Variants in KCNE1 observed in about 807,000 individuals in gnomAD.
KCNE1 encodes the protein potassium voltage-gated channel subfamily E regulatory subunit 1, also known as potassium voltage-gated channel subfamily E member 1.
A neutral mutation model predicts 2.9 loss-of-function variants in KCNE1; 1 was observed. That is an observed-to-expected ratio of 0.34 (90% confidence interval 0.12 to 1.62). KCNE1 has a LOEUF of 1.62. KCNE1 is among the 40% of genes most tolerant of loss of function. The pLI is 0.36. For missense variants in KCNE1, 45 were observed against 150.5 expected (o/e 0.30, Z 3.67); for synonymous variants, 23 against 65.4 (o/e 0.35, Z 3.13).
intron 2 of KCNE1, among the ~76,000 whole-genome samples, chr21:34,495,990 T>C (rs1375201611): frequency 6.6e-6 from 1 of 152,220 alleles, no homozygotes; most frequent in East Asian, 1.9e-4. Flanking sequence ...ATTTGTGCTC[T>C]TTCAGACATT....
At chr21:34,498,871 G>A (rs1482642301) in intron 2 of KCNE1, among the ~76,000 whole-genome samples, 1 of 152,230 alleles carries the variant, frequency 6.6e-6, no homozygotes, top group Non-Finnish European at 1.5e-5. Context: ...ACCAGCTGCA[G>A]TAGTAGTAGA....
intron 2 of KCNE1, among the ~76,000 whole-genome samples, chr21:34,503,806 A>G (rs1983313682): frequency 6.6e-6 from 1 of 152,200 alleles, no homozygotes; most frequent in South Asian, 2.1e-4. Flanking sequence ...TTTACTCTAA[A>G]CAAAGTAGAT....
intron 2 of KCNE1, among the ~76,000 whole-genome samples, chr21:34,507,837 A>G (rs758795622): frequency 6.6e-6 from 1 of 152,334 alleles, no homozygotes; most frequent in East Asian, 1.9e-4. Context: ...AGCAAGTAGC[A>G]TGCATAACGA....
At chr21:34,507,924 T>C (rs1983598336) in intron 2 of KCNE1, among the ~76,000 whole-genome samples, 1 of 152,254 alleles carries the variant, frequency 6.6e-6, no homozygotes, top group East Asian at 1.9e-4. Context: ...AGTTCTAGGT[T>C]AGCTGCTTTG....
chr21:34,503,013 C>T (rs965764799), intron 2 of KCNE1, among the ~76,000 whole-genome samples: 9 of 152,202 alleles, frequency 5.9e-5, no homozygotes, highest in Non-Finnish European at 8.8e-5. Flanking sequence ...TTCTGCAGCA[C>T]ACACCAATGA....
At chr21:34,506,106 T>C (rs1321137909) in intron 2 of KCNE1, among the ~76,000 whole-genome samples, 1 of 152,264 alleles carries the variant, frequency 6.6e-6, no homozygotes, top group African/African-American at 2.4e-5. Flanking sequence ...AGAGAATTCC[T>C]TGGGAATGAA....
intron 2 of KCNE1, among the ~76,000 whole-genome samples, chr21:34,497,019 G>A (rs1982852525): frequency 6.6e-6 from 1 of 152,232 alleles, no homozygotes; most frequent in African/African-American, 2.4e-5. Context: ...TGGAGTATCT[G>A]TTTCCATTCC....
At chr21:34,503,010 G>A (rs2123517418) in intron 2 of KCNE1, among the ~76,000 whole-genome samples, 1 of 152,304 alleles carries the variant, frequency 6.6e-6, no homozygotes, top group Middle Eastern at 3.4e-3. Flanking sequence ...CAATTCTGCA[G>A]CACACACCAA....
chr21:34,502,150 T>C (rs1323304114), intron 2 of KCNE1, among the ~76,000 whole-genome samples: 3 of 152,160 alleles, frequency 2.0e-5, no homozygotes, highest in Non-Finnish European at 2.9e-5. Context: ...TTTCCATCTG[T>C]CAACAATCAA....
intron 2 of KCNE1, among the ~76,000 whole-genome samples, chr21:34,507,901 A>C (rs1225009871): frequency 4.6e-5 from 7 of 152,236 alleles, no homozygotes; most frequent in African/African-American, 1.4e-4. Flanking sequence ...CAAAGAGCTT[A>C]ACACATTACC....
At chr21:34,503,496 A>T (rs536906271) in intron 2 of KCNE1, among the ~76,000 whole-genome samples, 1 of 152,304 alleles carries the variant, frequency 6.6e-6, no homozygotes, top group African/African-American at 2.4e-5. Context: ...GCCATTGGTG[A>T]TCAGCTTAAC....
intron 2 of KCNE1, among the ~76,000 whole-genome samples, chr21:34,508,763 A>G (rs747305006): frequency 6.6e-6 from 1 of 152,260 alleles, no homozygotes; most frequent in African/African-American, 2.4e-5. Context: ...TGCAAAATGC[A>G]ATACAGCTAG....
At chr21:34,507,914 A>C (rs1268348727) in intron 2 of KCNE1, among the ~76,000 whole-genome samples, 2 of 152,202 alleles carry the variant, frequency 1.3e-5, no homozygotes, top group Admixed American at 6.5e-5. Flanking sequence ...ACATTACCTT[A>C]GTTCTAGGTT....
chr21:34,506,080 G>C (rs1008586552), intron 2 of KCNE1, among the ~76,000 whole-genome samples: 2 of 152,208 alleles, frequency 1.3e-5, no homozygotes, highest in Non-Finnish European at 2.9e-5. Flanking sequence ...AGATTATTTT[G>C]TTCTTGAGTC....
At chr21:34,504,075 T>A (rs1983326609) in intron 2 of KCNE1, among the ~76,000 whole-genome samples, 1 of 152,238 alleles carries the variant, frequency 6.6e-6, no homozygotes. Context: ...CCTGCCTCTG[T>A]CAGCTGAGCT....
At chr21:34,452,738 GT>G (rs150518931) in intron 3 of KCNE1, among the ~76,000 whole-genome samples, 536 of 40,940 alleles carry the variant, frequency 0.013, 149 homozygotes, top group African/African-American at 0.055. Context: ...GTTCAGTCAA[GT>G]TTTTTTTTTT....
chr21:34,504,097 G>T (rs2123520223), intron 2 of KCNE1, among the ~76,000 whole-genome samples: 1 of 152,332 alleles, frequency 6.6e-6, no homozygotes, highest in South Asian at 2.1e-4. Context: ...ACATGGGAAA[G>T]ATCCCCAGTC....
chr21:34,499,473 C>T (rs1452453710), intron 2 of KCNE1, among the ~76,000 whole-genome samples: 3 of 152,236 alleles, frequency 2.0e-5, no homozygotes, highest in Non-Finnish European at 4.4e-5. Flanking sequence ...ACAAAGCTCA[C>T]TTGGAAGCTT....
At chr21:34,501,953 G>A (rs966852935) in intron 2 of KCNE1, among the ~76,000 whole-genome samples, 11 of 152,344 alleles carry the variant, frequency 7.2e-5, no homozygotes, top group Admixed American at 1.3e-4. Context: ...TAGACTCCAA[G>A]GTGGGCTTTG....
Sources: allele counts gnomAD v4.1 joint callset (sites outside exome capture counted in the v4.1 genomes callset), GRCh38; gene constraint gnomAD v4.1.1; transcripts MANE v1.5; gene names NCBI Gene and HGNC (gene_info 2026-07-23, HGNC 2026-07-21).